GCSH: variants seen among roughly 807,000 people sequenced by gnomAD.
The protein encoded by GCSH is glycine cleavage system protein H.
GCSH carries 15 observed loss-of-function variants against 21.3 expected under a neutral mutation model. That is an observed-to-expected ratio of 0.70 (90% CI 0.47 to 1.08). GCSH has a LOEUF of 1.08. Among genes scored for constraint, GCSH ranks in the 50% least tolerant of loss-of-function variants. The pLI is 0.00. For synonymous variants in GCSH, 59 were observed against 84.5 expected (o/e 0.70, Z 1.66); for missense variants, 179 against 217.5 (o/e 0.82, Z 1.11).
At position 81,087,659 on chromosome 16, in the gene GCSH, C is replaced by T. The variant is rs543343974; in HGVS notation, c.234G>A (p.Ala78=). 4.3e-5 allele frequency: 69 copies of T among 1,610,674 alleles called. No homozygotes were observed. The highest frequency in any genetic ancestry group is 3.8e-4 in the East Asian group (17 of 44,872). The change falls in exon 3 of 5, where the codon GCG becomes GCA. Residue 78 remains alanine, a synonymous_variant. Coordinates refer to ENST00000315467, the MANE Select transcript of GCSH (RefSeq NM_004483.5). Reference sequence around the variant, plus strand: ...GACTACAATAAACAACATCTCCCAACGCTTCCTAAATAAAACAAGACAAAA... The same window carrying T: ...GACTACAATAAACAACATCTCCCAATGCTTCCTAAATAAAACAAGACAAAA... ...TVGISNFAQE[A]LGDVVYCSLP...
chr16:81,084,764 C>T (rs1320135249), intron 3 of GCSH, among the ~76,000 whole-genome samples, 170 bp from the exon 4 acceptor site: 2 of 144,972 alleles, frequency 1.4e-5, no homozygotes, highest in Non-Finnish European at 1.5e-5. Context: ...GGCTGGAGTG[C>T]AGTGGCGCAA....
At chr16:81,085,009 C>CT (rs769923987) in intron 3 of GCSH, among the ~76,000 whole-genome samples, 67 of 124,336 alleles carry the variant, frequency 5.4e-4, no homozygotes, top group Non-Finnish European at 8.0e-4. Context: ...GCCACTGCAC[C>CT]TGGCTCTTTT....
chr16:81,087,786 G>C (rs1361669198), intron 2 of GCSH, 122 bp from the exon 3 acceptor site: 2 of 735,242 alleles, frequency 2.7e-6, no homozygotes, highest in African/African-American at 3.5e-5. Context: ...TTATACTGGA[G>C]GGGCTACATT....
At position 81,091,890 on chromosome 16, in the gene GCSH, A is replaced by G. The variant is rs8177861; in HGVS notation, c.149-1210T>C. ...CACCTCAACCTCTCACAGTGCTGGG[A>G]TAATAGTGTGTGAGCCACCGTGCCT... On this transcript the variant is annotated intron_variant, in intron 1 of 4. Transcript: ENST00000315467. Among the ~76,000 whole-genome samples the G allele has an allele frequency of 2.2e-4, 34 of 152,188 alleles. No individual in the cohort carries two copies. The South Asian group carries it at 7.1e-3, about 32-fold the overall frequency.
chr16:81,093,025 G>C (rs980111770), intron 1 of GCSH, among the ~76,000 whole-genome samples: 4 of 151,802 alleles, frequency 2.6e-5, no homozygotes, highest in African/African-American at 7.3e-5. Context: ...CTAGCTACTT[G>C]GGAGGCTGAG....
Position 81,096,351 on chromosome 16 carries a change from G to C in GCSH, c.-73C>G, listed in dbSNP as rs1430907540. On this transcript the variant is annotated 5_prime_UTR_variant, in exon 1 of 5. Transcript: ENST00000315467. ...CCGGGAGGCGGGGCGGGGAGGGGCA[G>C]TTCGCGGCCGGAGGGAGCCGGCTGG... 3.4e-6 allele frequency: 4 copies of C among 1,159,932 alleles called. No individual in the cohort carries two copies. The highest frequency in any genetic ancestry group is 4.5e-6 in the Non-Finnish European group (4 of 889,736). 71.9% of individuals were successfully genotyped at this position (1,159,932 alleles called of 1,614,324 possible). A position where few individuals can be genotyped will look rare whatever the true frequency, so the allele number is the denominator to read the frequency against.
rs1597161745 is a variant in GCSH at position 81,082,260 on chromosome 16, G to A, written c.*606C>T. The A allele has an allele frequency of 2.2e-6, 1 of 451,456 alleles. No individual in the cohort carries two copies. Among genetic ancestry groups the A allele is most frequent in the Non-Finnish European group, 4.4e-6 (1 of 225,304 alleles). 28.0% of individuals were successfully genotyped at this position (451,456 alleles called of 1,614,324 possible). A position where few individuals can be genotyped will look rare whatever the true frequency, so the allele number is the denominator to read the frequency against. On this transcript the variant is annotated 3_prime_UTR_variant, in exon 5 of 5. Transcript: ENST00000315467. ...AAAAAGTAACTTTCCGTAAGTTAAA[G>A]TTAGCACTTTCACAAATACTAGCAG...
intron 4 of GCSH, 27 bp from the exon 5 acceptor site, chr16:81,082,990 C>T: frequency 7.3e-7 from 1 of 1,361,450 alleles, no homozygotes; most frequent in Non-Finnish European, 1.1e-6. Flanking sequence ...ACCTTATATT[C>T]CACATTAACT....
intron 4 of GCSH, chr16:81,083,832 T>G (rs1170805643): frequency 6.6e-6 from 1 of 151,894 alleles, no homozygotes; most frequent in East Asian, 2.0e-4. Context: ...AATATATATT[T>G]TTTTACCTCC....
chr16:81,087,714 C>T, intron 2 of GCSH, 50 bp from the exon 3 acceptor site: 1 of 1,267,924 alleles, frequency 7.9e-7, no homozygotes, highest in Non-Finnish European at 1.2e-6. Flanking sequence ...TATAACTAAA[C>T]CCTCCAGTAA....
rs751229978 is a variant in GCSH, at chr16:81,087,568, C to A, written c.292+33G>T. On this transcript the variant is annotated intron_variant, in intron 3 of 4. Transcript: ENST00000315467. ...TATTCAATGTAAACAAAATTCATGG[C>A]ATGGATCATTCTAAGATCCTAAGAA... The A allele has an allele frequency of 3.5e-6, 5 of 1,417,234 alleles. No homozygotes were observed. The African/African-American group carries it at 7.1e-5, about 20-fold the overall frequency. The allele number at this position is 1,417,234 out of a possible 1,614,324, so 87.8% of individuals were successfully genotyped here. A position where few individuals can be genotyped will look rare whatever the true frequency, so the allele number is the denominator to read the frequency against.
At chr16:81,084,978 G>A (rs1417331648) in intron 3 of GCSH, among the ~76,000 whole-genome samples, 1 of 146,114 alleles carries the variant, frequency 6.8e-6, no homozygotes, top group Non-Finnish European at 1.5e-5. Flanking sequence ...GCCTCCCAAA[G>A]TGCTGGGATT....
chr16:81,093,621 A>C (rs1203002190), intron 1 of GCSH, among the ~76,000 whole-genome samples: 1 of 151,976 alleles, frequency 6.6e-6, no homozygotes, highest in Non-Finnish European at 1.5e-5. Context: ...CAGGCAGATC[A>C]CCTGAGATCA....
chr16:81,082,114 G>C lies in GCSH; in HGVS notation c.*752C>G, dbSNP rs1411622497. ...AGACCTCGCATGATAGAAAATCAAA[G>C]TTGGTGATTTATTTTTTATTATGTT... On this transcript the variant is annotated 3_prime_UTR_variant, in exon 5 of 5. Coordinates refer to ENST00000315467, the MANE Select transcript of GCSH (RefSeq NM_004483.5). The C allele has an allele frequency of 2.2e-6, 1 of 454,068 alleles. No homozygotes were observed. Among genetic ancestry groups the C allele is most frequent in the Non-Finnish European group, 4.4e-6 (1 of 226,782 alleles). The allele number at this position is 454,068 out of a possible 1,614,324, so 28.1% of individuals were successfully genotyped here. A position where few individuals can be genotyped will look rare whatever the true frequency, so the allele number is the denominator to read the frequency against.
rs8177866 is a variant in GCSH, at chr16:81,091,411, C to T, written c.149-731G>A. 8.6e-3 allele frequency: 1,801 copies of T among 208,782 alleles called. 38 individuals are homozygous for T. Among genetic ancestry groups the T allele is most frequent in the African/African-American group, 0.04 (1,690 of 42,052 alleles). The allele number at this position is 208,782 out of a possible 1,614,324, so 12.9% of individuals were successfully genotyped here. A position where few individuals can be genotyped will look rare whatever the true frequency, so the allele number is the denominator to read the frequency against. On this transcript the variant is annotated intron_variant, in intron 1 of 4. Coordinates refer to ENST00000315467, the MANE Select transcript of GCSH (RefSeq NM_004483.5). ...TCACCACTCACTGGACAGGTTCAGCCCTCGACTTACTGAGCACTTCTCTAA... is the reference window on the plus strand; with the variant it reads ...TCACCACTCACTGGACAGGTTCAGCTCTCGACTTACTGAGCACTTCTCTAA...
intron 1 of GCSH, chr16:81,090,919 T>C (rs765975631): frequency 1.5e-5 from 9 of 582,536 alleles, no homozygotes; most frequent in Non-Finnish European, 2.1e-5. Context: ...CTTTTGGAGA[T>C]TGGATTATCT....
intron 1 of GCSH, among the ~76,000 whole-genome samples, chr16:81,093,427 C>G (rs1239398695): frequency 2.0e-5 from 3 of 152,120 alleles, no homozygotes; most frequent in African/African-American, 7.2e-5. Flanking sequence ...CGAGCAATTA[C>G]TAATTGTAAT....
chr16:81,091,323 A>G (rs1597168923), intron 1 of GCSH: 1 of 340,664 alleles, frequency 2.9e-6, no homozygotes, highest in African/African-American at 2.2e-5. Flanking sequence ...GAAGAAAATT[A>G]AGATCACAAC....
chr16:81,089,900 G>A (rs971856095), intron 2 of GCSH, among the ~76,000 whole-genome samples: 1 of 152,100 alleles, frequency 6.6e-6, no homozygotes, highest in African/African-American at 2.4e-5. Flanking sequence ...CCACAAAATG[G>A]TGGCAACACC....
Sources: allele counts gnomAD v4.1 joint callset (sites outside exome capture counted in the v4.1 genomes callset), GRCh38; gene constraint gnomAD v4.1.1; transcripts MANE v1.5; gene names NCBI Gene and HGNC (gene_info 2026-07-23, HGNC 2026-07-21).